The following WFDC3 variants were observed in gnomAD, a reference collection of about 807,000 sequenced individuals.
WFDC3 encodes the protein WAP four-disulfide core domain 3.
A neutral mutation model predicts 25.8 loss-of-function variants in WFDC3; 15 were observed. That is an observed-to-expected ratio of 0.58 (90% CI 0.39 to 0.89). WFDC3 has a LOEUF of 0.89. Among genes scored for constraint, WFDC3 ranks in the 40% least tolerant of loss-of-function variants. WFDC3 has a pLI of 0.00. For missense variants in WFDC3, 264 were observed against 289.8 expected (o/e 0.91, Z 0.65); for synonymous variants, 103 against 107.1 (o/e 0.96, Z 0.24).
chr20:45,774,717 G>A (rs1980053097), intron 6 of WFDC3, among the ~76,000 whole-genome samples: 1 of 152,138 alleles, frequency 6.6e-6, no homozygotes, highest in African/African-American at 2.4e-5. Flanking sequence ...CAAGGTGGGT[G>A]GATAACCTGA....
rs1980035284 is a variant in WFDC3 at position 45,774,302 on chromosome 20, G to A, written c.*126C>T. On this transcript the variant is annotated 3_prime_UTR_variant, in exon 7 of 7. Transcript: ENST00000243938. ...CCCATGCTCTGGTCAGCGGCAGGAGGAGAAGCAGAGCAGAGAGGGCCATGA... is the reference window on the plus strand; with the variant it reads ...CCCATGCTCTGGTCAGCGGCAGGAGAAGAAGCAGAGCAGAGAGGGCCATGA... The A allele has an allele frequency of 7.7e-7, 1 of 1,305,960 alleles. No individual in the cohort carries two copies. The highest frequency in any genetic ancestry group is 1.2e-5 in the South Asian group (1 of 84,226). The allele number at this position is 1,305,960 out of a possible 1,614,324, so 80.9% of individuals were successfully genotyped here.
intron 5 of WFDC3, among the ~76,000 whole-genome samples, chr20:45,776,318 G>GTGTGTGTGTGTGTA (rs58644271): frequency 0.057 from 7,964 of 139,662 alleles, 312 homozygotes; most frequent in Middle Eastern, 0.075. Flanking sequence ...GTGTGTGTGT[G>GTGTGTGTGTGTGTA]TGTTTCCAGC....
chr20:45,788,715 T>G, intron 3 of WFDC3: 1 of 516,010 alleles, frequency 1.9e-6, no homozygotes, highest in Non-Finnish European at 3.2e-6. Context: ...GTAAAAGACA[T>G]AGATAATCAA....
At chr20:45,790,147 T>C (rs984750444) in intron 1 of WFDC3, 165 bp from the exon 2 acceptor site, 2 of 556,932 alleles carry the variant, frequency 3.6e-6, no homozygotes, top group Non-Finnish European at 6.4e-6. Flanking sequence ...AGAAGAGGGA[T>C]TGGCTGCTGG....
intron 4 of WFDC3, among the ~76,000 whole-genome samples, chr20:45,784,961 C>A (rs896786095): frequency 6.6e-6 from 1 of 152,194 alleles, no homozygotes; most frequent in African/African-American, 2.4e-5. Flanking sequence ...GAACCCAGGA[C>A]TCCGACAACC....
At chr20:45,790,994 G>T in intron 1 of WFDC3, 1 of 464,880 alleles carries the variant, frequency 2.2e-6, no homozygotes. Context: ...CCTTTGGTTA[G>T]CTGTGATACC....
intron 5 of WFDC3, among the ~76,000 whole-genome samples, chr20:45,776,374 G>A (rs6130929): frequency 0.56 from 83,435 of 148,014 alleles, 24,800 homozygotes; most frequent in Non-Finnish European, 0.66. Flanking sequence ...TTGGGAGGCC[G>A]AGACAGGCAG....
chr20:45,781,488 C>A (rs924202051), intron 4 of WFDC3, among the ~76,000 whole-genome samples: 3 of 152,150 alleles, frequency 2.0e-5, no homozygotes, highest in Non-Finnish European at 4.4e-5. Flanking sequence ...ATAGTCATAC[C>A]CATGGCTATG....
intron 4 of WFDC3, among the ~76,000 whole-genome samples, chr20:45,781,534 CAAAGGGAA>C (rs1346091886): frequency 3.3e-5 from 5 of 152,156 alleles, no homozygotes; most frequent in Admixed American, 2.6e-4. Context: ...GAAAAATCAT[CAAAGGGAA>C]AAGTCCAGAG....
At chr20:45,783,798 GC>G (rs1486768211) in intron 4 of WFDC3, among the ~76,000 whole-genome samples, 3 of 152,170 alleles carry the variant, frequency 2.0e-5, no homozygotes, top group Non-Finnish European at 4.4e-5. Flanking sequence ...ATTTTTCATA[GC>G]CCTGGAAGGA....
intron 2 of WFDC3, 54 bp from the exon 3 acceptor site, chr20:45,789,113 G>A (rs975716484): frequency 6.2e-6 from 10 of 1,602,836 alleles, no homozygotes; most frequent in Non-Finnish European, 8.5e-6. Context: ...CAGAAATGGG[G>A]AATGGACCTT....
At chr20:45,776,660 A>ATG (rs1555812785) in intron 5 of WFDC3, among the ~76,000 whole-genome samples, 1,571 of 93,224 alleles carry the variant, frequency 0.017, 26 homozygotes, top group South Asian at 0.047. Context: ...ATATATATAT[A>ATG]TGTGTGTGTG....
intron 5 of WFDC3, among the ~76,000 whole-genome samples, 197 bp downstream of exon 5, chr20:45,776,878 T>C (rs1980211131): frequency 6.6e-6 from 1 of 152,024 alleles, no homozygotes; most frequent in Admixed American, 6.6e-5. Flanking sequence ...GCCCAAGTAG[T>C]TCCTACTGCC....
At chr20:45,776,660 A>ATGTGTGTGTGTGTGTGTGTGTGTGTG (rs1555812785) in intron 5 of WFDC3, among the ~76,000 whole-genome samples, 1 of 93,302 alleles carries the variant, frequency 1.1e-5, no homozygotes, top group African/African-American at 4.4e-5. Flanking sequence ...ATATATATAT[A>ATGTGTGTGTGTGTGTGTGTGTGTGTG]TGTGTGTGTG....
At chr20:45,776,473 G>T (rs956299749) in intron 5 of WFDC3, among the ~76,000 whole-genome samples, 3 of 150,654 alleles carry the variant, frequency 2.0e-5, no homozygotes, top group African/African-American at 7.3e-5. Flanking sequence ...GGGCATGGTG[G>T]CGTGTGCCTG....
At chr20:45,789,827 G>T in intron 2 of WFDC3, 67 bp downstream of exon 2, 3 of 1,420,562 alleles carry the variant, frequency 2.1e-6, no homozygotes, top group Non-Finnish European at 3.0e-6. Context: ...GAAGGCAGGG[G>T]ATGAGTTCTC....
chr20:45,775,595 G>A lies in WFDC3; in HGVS notation c.501C>T (p.Gly167=). 2.5e-6 allele frequency: 4 copies of A among 1,614,060 alleles called. No homozygotes were observed. The highest frequency in any genetic ancestry group is 1.1e-5 in the South Asian group (1 of 91,076). ...TCLGDIEGGR[G]GDCPKVLVGL... is the part of the protein sequence containing the mutation. ...CCACCAGAACTTTTGGACAATCACC[G>A]CCCCGCCCTGTGGGAACAACAGGCA... Residue 167 remains glycine (G), a synonymous_variant, in exon 6 of 7, where the codon GGC becomes GGT. Coordinates refer to ENST00000243938, the MANE Select transcript of WFDC3 (RefSeq NM_080614.2).
intron 5 of WFDC3, among the ~76,000 whole-genome samples, chr20:45,776,278 CTGTGTGTGTGTGTG>C (rs3080047): frequency 6.9e-5 from 7 of 101,946 alleles, no homozygotes; most frequent in Admixed American, 1.1e-4. Flanking sequence ...GCTTTTATCT[CTGTGTGTGTGTGTG>C]TGTGTGTGTG....
chr20:45,780,233 G>T (rs1233559414), intron 4 of WFDC3, among the ~76,000 whole-genome samples: 1 of 151,402 alleles, frequency 6.6e-6, no homozygotes, highest in Admixed American at 6.6e-5. Context: ...ACACTACCAG[G>T]CCCAGCTAAT....
Sources: gnomAD v4.1 joint callset for allele counts (sites outside exome capture counted in the v4.1 genomes callset) on GRCh38, gnomAD v4.1.1 for gene constraint, MANE v1.5 for transcripts, NCBI Gene and HGNC (gene_info 2026-07-23, HGNC 2026-07-21) for gene names.